The following SYNCRIP variants were observed in gnomAD, a reference collection of about 807,000 sequenced individuals.
SYNCRIP encodes synaptotagmin binding cytoplasmic RNA interacting protein.
Under a neutral mutation model 68.9 loss-of-function variants are expected in SYNCRIP, and 9 were observed. The ratio of observed to expected loss-of-function variants is 0.13; its 90% CI spans 0.08 to 0.23. The LOEUF is 0.23. SYNCRIP is among the 10% of genes least tolerant of loss of function. The pLI, the probability that SYNCRIP is intolerant of heterozygous loss-of-function variation, is 1.00. For missense variants in SYNCRIP, 414 were observed against 770.6 expected (o/e 0.54, Z 5.48); for synonymous variants, 258 against 254.0 (o/e 1.02, Z -0.15).
intron 8 of SYNCRIP, among the ~76,000 whole-genome samples, chr6:85,619,937 G>A (rs1806199902): frequency 6.6e-6 from 1 of 152,154 alleles, no homozygotes. Flanking sequence ...GATGTTAATA[G>A]CAGCTTTATT....
At chr6:85,638,338 G>GCCACTGCA (rs1452922086) in intron 4 of SYNCRIP, among the ~76,000 whole-genome samples, 1 of 123,670 alleles carries the variant, frequency 8.1e-6, no homozygotes, top group Non-Finnish European at 1.6e-5. Context: ...CGGAGATCGC[G>GCCACTGCA]CCACTGCACT....
At position 85,640,517 on chromosome 6, in the gene SYNCRIP, T is replaced by C. The variant is rs1809002009; in HGVS notation, c.196A>G (p.Lys66Glu). 3.1e-6 allele frequency: 5 copies of C among 1,608,188 alleles called. No individual in the cohort carries two copies. The highest frequency in any genetic ancestry group is 4.2e-6 in the Non-Finnish European group (5 of 1,178,328). The part of the protein sequence containing the change: ...DLDERAIEAL[K>E]EFNEDGALAV... ...AATGCACCGTCTTCATTGAATTCTT[T>C]TAAAGCTTCAATAGCTCTTTCATCT... Residue 66 changes from lysine to glutamate, a missense_variant, in exon 3 of 11, where the codon AAA (lysine) becomes GAA (glutamate). Around this residue, in one of 6 missense-constraint regions of SYNCRIP, gnomAD observed 110 missense variants for 269.3 expected, o/e 0.41. Transcript: ENST00000369622.
chr6:85,625,802 T>C (rs1171939040), intron 6 of SYNCRIP, among the ~76,000 whole-genome samples: 1 of 152,164 alleles, frequency 6.6e-6, no homozygotes, highest in Non-Finnish European at 1.5e-5. Context: ...AATACTACAA[T>C]ACATAAATCC....
chr6:85,641,332 T>G lies in SYNCRIP; in HGVS notation c.108A>C (p.Pro36=). 1 of 1,612,256 alleles carries G rather than the reference T, an allele frequency of 6.2e-7. No individual in the cohort carries two copies. Among genetic ancestry groups the G allele is most frequent in the Admixed American group, 1.7e-5 (1 of 60,012 alleles). Residue 36 remains proline (P), a synonymous_variant, in exon 2 of 11, where the codon CCA becomes CCC. Coordinates refer to ENST00000369622, the MANE Select transcript of SYNCRIP (RefSeq NM_006372.5). ...NFQTLLDAGL[P]QKVAEKLDEI... Reference sequence around the variant, plus strand: ...CATCTAGTTTTTCAGCAACTTTCTGTGGTAAACCAGCATCAAGCAATGTCT... The same window carrying G: ...CATCTAGTTTTTCAGCAACTTTCTGGGGTAAACCAGCATCAAGCAATGTCT...
chr6:85,634,383 T>C (rs1014236799), intron 6 of SYNCRIP, among the ~76,000 whole-genome samples: 5 of 152,180 alleles, frequency 3.3e-5, no homozygotes, highest in African/African-American at 4.8e-5. Flanking sequence ...TTAGGTAACC[T>C]ACGATGTCAG....
chr6:85,627,418 T>C (rs543432559), intron 6 of SYNCRIP, among the ~76,000 whole-genome samples: 1 of 152,190 alleles, frequency 6.6e-6, no homozygotes, highest in South Asian at 2.1e-4. Flanking sequence ...AAATTAACAT[T>C]TCCGGAAGCA....
chr6:85,610,388 G>A (rs1262821220), downstream of SYNCRIP: 1 of 151,880 alleles, frequency 6.6e-6, no homozygotes, highest in African/African-American at 2.4e-5. Flanking sequence ...CATCACCACT[G>A]TTTACATTAC....
intron 6 of SYNCRIP, among the ~76,000 whole-genome samples, chr6:85,629,179 A>G (rs1375442473): frequency 2.0e-5 from 3 of 152,232 alleles, no homozygotes; most frequent in Middle Eastern, 3.4e-3. Context: ...TGCTTCAACT[A>G]GATTCACCTT....
At chr6:85,627,741 C>A (rs1264199729) in intron 6 of SYNCRIP, among the ~76,000 whole-genome samples, 2 of 152,162 alleles carry the variant, frequency 1.3e-5, no homozygotes, top group African/African-American at 2.4e-5. Flanking sequence ...GGCCCTGAAT[C>A]TTGTTAGTTG....
At chr6:85,608,030 C>T (rs1804968531), downstream of SYNCRIP, 1 of 152,068 alleles carries the variant, frequency 6.6e-6, no homozygotes, top group Non-Finnish European at 1.5e-5. Flanking sequence ...GGCAAGTCCC[C>T]GATTCTTTCC....
At chr6:85,641,140 T>G in intron 2 of SYNCRIP, 152 bp downstream of exon 2, 1 of 646,874 alleles carries the variant, frequency 1.5e-6, no homozygotes, top group Non-Finnish European at 2.7e-6. Flanking sequence ...CATCTTAACC[T>G]CTACTTCAAA....
chr6:85,614,436 C>T lies in SYNCRIP; in HGVS notation c.*320G>A, dbSNP rs1805533260. The T allele has an allele frequency of 9.6e-7, 1 of 1,041,046 alleles. No individual in the cohort carries two copies. Among genetic ancestry groups the T allele is most frequent in the African/African-American group, 1.7e-5 (1 of 59,416 alleles). The allele number at this position is 1,041,046 out of a possible 1,614,324, so 64.5% of individuals were successfully genotyped here. ...TTTTAATCAACTACCTTTGAAGACA[C>T]CAAATCTAAACACTACTGGAAACAT... On this transcript the variant is annotated 3_prime_UTR_variant, in exon 11 of 11. Transcript: ENST00000369622.
At chr6:85,631,969 C>G (rs975394343) in intron 6 of SYNCRIP, among the ~76,000 whole-genome samples, 1 of 152,194 alleles carries the variant, frequency 6.6e-6, no homozygotes. Context: ...AAGTTTAGAT[C>G]ATGCTTCCCT....
At chr6:85,638,488 G>C (rs1287419556) in intron 4 of SYNCRIP, among the ~76,000 whole-genome samples, 1 of 144,138 alleles carries the variant, frequency 6.9e-6, no homozygotes, top group Non-Finnish European at 1.5e-5. Flanking sequence ...AAGCACAAAA[G>C]TGGTTTTCTA....
intron 4 of SYNCRIP, among the ~76,000 whole-genome samples, chr6:85,639,575 G>A (rs1347168836): frequency 1.3e-5 from 2 of 152,188 alleles, no homozygotes. Context: ...TGGCTCAAGA[G>A]CACTGGCACA....
At chr6:85,640,686 T>TC in intron 2 of SYNCRIP, 122 bp from the exon 3 acceptor site, 1 of 518,410 alleles carries the variant, frequency 1.9e-6, no homozygotes. Flanking sequence ...CATCTATACC[T>TC]GAAAAAAAAA....
chr6:85,611,979 T>C (rs1189072238), downstream of SYNCRIP: 1 of 152,262 alleles, frequency 6.6e-6, no homozygotes, highest in Admixed American at 6.5e-5. Context: ...TTTTTGAACA[T>C]CTGATGTCTT....
chr6:85,620,378 T>C (rs572682531), intron 8 of SYNCRIP, among the ~76,000 whole-genome samples: 8 of 152,182 alleles, frequency 5.3e-5, no homozygotes, highest in Admixed American at 3.3e-4. Flanking sequence ...CAAAATGACA[T>C]AGAAGAACTT....
At chr6:85,616,602 C>T (rs1805805994) in intron 10 of SYNCRIP, among the ~76,000 whole-genome samples, 1 of 152,216 alleles carries the variant, frequency 6.6e-6, no homozygotes, top group South Asian at 2.1e-4. Context: ...CCCACCTCAG[C>T]CTCCCAAAGT....
Sources: gnomAD v4.1 joint callset for allele counts (sites outside exome capture counted in the v4.1 genomes callset) on GRCh38, gnomAD v4.1.1 for gene constraint, gnomAD v4.1.1 regional missense constraint, MANE v1.5 for transcripts, NCBI Gene and HGNC (gene_info 2026-07-23, HGNC 2026-07-21) for gene names.